The following ZNF710 variants were observed in gnomAD, a reference collection of about 807,000 sequenced individuals.
ZNF710 encodes zinc finger protein 710.
ZNF710 carries 13 observed loss-of-function variants against 50.6 expected under a neutral mutation model. The observed-to-expected ratio is 0.26, with a 90% CI of 0.17 to 0.41. ZNF710 has a LOEUF of 0.41. ZNF710 is among the 10% of genes least tolerant of loss of function. ZNF710 has a pLI of 1.00. For missense variants in ZNF710, 721 were observed against 936.6 expected (o/e 0.77, Z 3.01); for synonymous variants, 383 against 397.0 (o/e 0.96, Z 0.42).
At chr15:90,017,149 T>C (rs1385913430) in intron 1 of ZNF710, among the ~76,000 whole-genome samples, 4 of 152,206 alleles carry the variant, frequency 2.6e-5, no homozygotes, top group Non-Finnish European at 5.9e-5. Context: ...AGGCACTTGG[T>C]ACTTGGAAGA....
intron 1 of ZNF710, among the ~76,000 whole-genome samples, chr15:90,038,462 C>CGTTAA (rs1899196855): frequency 6.6e-6 from 1 of 152,176 alleles, no homozygotes; most frequent in Non-Finnish European, 1.5e-5. Flanking sequence ...GACAGCCCAC[C>CGTTAA]GTTAAGTACG....
At chr15:90,000,504 G>A (rs1005487884), upstream of ZNF710, among the ~76,000 whole-genome samples, 1 of 151,978 alleles carries the variant, frequency 6.6e-6, no homozygotes, top group Non-Finnish European at 1.5e-5. Context: ...CCCTGGGCTC[G>A]GGGACCCCGC....
intron 4 of ZNF710, 28 bp downstream of exon 4, chr15:90,074,318 G>A (rs370636787): frequency 1.2e-6 from 2 of 1,609,126 alleles, no homozygotes; most frequent in African/African-American, 2.7e-5. Flanking sequence ...AATGGACAGA[G>A]CAGGAATGAT....
chr15:90,019,692 C>A (rs1028979327), intron 1 of ZNF710, among the ~76,000 whole-genome samples: 2 of 152,220 alleles, frequency 1.3e-5, no homozygotes, highest in South Asian at 2.1e-4. Flanking sequence ...GGGAGTCTGT[C>A]ATCCTGGCCC....
At chr15:90,053,788 GC>G (rs1185003096) in intron 1 of ZNF710, among the ~76,000 whole-genome samples, 2 of 152,110 alleles carry the variant, frequency 1.3e-5, no homozygotes, top group Non-Finnish European at 2.9e-5. Context: ...TCTCTGGGAT[GC>G]CTCCTCCCAG....
At chr15:90,005,858 T>C (rs1898128395) in intron 1 of ZNF710, among the ~76,000 whole-genome samples, 1 of 152,214 alleles carries the variant, frequency 6.6e-6, no homozygotes, top group African/African-American at 2.4e-5. Flanking sequence ...TCTTAGTTCT[T>C]GCAGGTGCTG....
intron 1 of ZNF710, among the ~76,000 whole-genome samples, chr15:90,005,847 C>G (rs1016738140): frequency 1.3e-5 from 2 of 152,178 alleles, no homozygotes; most frequent in Non-Finnish European, 2.9e-5. Context: ...GTATTTGTCT[C>G]TCTTAGTTCT....
intron 1 of ZNF710, among the ~76,000 whole-genome samples, chr15:90,046,081 G>C (rs916245188): frequency 6.6e-6 from 1 of 152,114 alleles, no homozygotes; most frequent in Admixed American, 6.5e-5. Flanking sequence ...CATGGTCTCT[G>C]GGGGGACACA....
At chr15:90,000,151 A>G (rs1231608145), upstream of ZNF710, among the ~76,000 whole-genome samples, 1 of 152,018 alleles carries the variant, frequency 6.6e-6, no homozygotes, top group Non-Finnish European at 1.5e-5. Flanking sequence ...TGCTTTGGGA[A>G]CTTTCCCCCG....
chr15:90,068,030 G>T lies in ZNF710; in HGVS notation c.893G>T (p.Arg298Leu), dbSNP rs753524913. The T allele has an allele frequency of 6.2e-7, 1 of 1,614,212 alleles. No individual in the cohort carries two copies. The highest frequency in any genetic ancestry group is 8.5e-7 in the Non-Finnish European group (1 of 1,180,032). ...GACCGCCAGAAGCGCTGGCAGTGCC[G>T]CATGTGCGAGAAGTCCTACACGTCC... ...AGDRQKRWQC[R>L]MCEKSYTSKY... Residue 298 changes from arginine (R) to leucine (L), a missense_variant, in exon 2 of 5, where the codon CGC becomes CTC. Coordinates refer to ENST00000268154, the MANE Select transcript of ZNF710 (RefSeq NM_198526.4). The surrounding 1 kb of genome is among the most constrained non-coding windows in gnomAD (Gnocchi z 5.0).
At chr15:90,020,021 C>G (rs1156476973) in intron 1 of ZNF710, among the ~76,000 whole-genome samples, 1 of 152,144 alleles carries the variant, frequency 6.6e-6, no homozygotes, top group African/African-American at 2.4e-5. Context: ...GAGTCCAGGC[C>G]AAGGAAGTGC....
chr15:90,006,559 A>G (rs1055790370), intron 1 of ZNF710, among the ~76,000 whole-genome samples: 1 of 152,222 alleles, frequency 6.6e-6, no homozygotes, highest in Non-Finnish European at 1.5e-5. Flanking sequence ...CAGTGGTTAT[A>G]AATGCTTCAA....
rs147882242 is a variant in ZNF710, at chr15:90,054,597, C to T, written c.-28-12513C>T. On this transcript the variant is annotated intron_variant, in intron 1 of 4. Transcript: ENST00000268154. ...TACCCCCCATCCCAGAGGACTGCCC[C>T]GATGGCTAGAAATGGTGTGCTTTCA... Among the ~76,000 whole-genome samples the T allele has an allele frequency of 2.3e-3, 343 of 152,322 alleles. 4 individuals are homozygous for T. Among genetic ancestry groups the T allele is most frequent in the African/African-American group, 6.9e-3 (286 of 41,572 alleles).
intron 1 of ZNF710, among the ~76,000 whole-genome samples, chr15:90,050,998 G>A (rs1899624959): frequency 6.6e-6 from 1 of 152,146 alleles, no homozygotes; most frequent in Non-Finnish European, 1.5e-5. Context: ...CAGCACTTTG[G>A]GAGGCCGAGG....
At chr15:89,999,758 C>T (rs529599094), upstream of ZNF710, among the ~76,000 whole-genome samples, 55 of 151,986 alleles carry the variant, frequency 3.6e-4, no homozygotes, top group South Asian at 0.011. Flanking sequence ...GTCGTGTCCC[C>T]GGGAGGCTGC....
intron 4 of ZNF710, chr15:90,074,593 T>G: frequency 8.4e-7 from 1 of 1,194,980 alleles, no homozygotes; most frequent in Non-Finnish European, 1.1e-6. Context: ...CAAAGCGAGG[T>G]TGGCTCTGTC....
intron 1 of ZNF710, among the ~76,000 whole-genome samples, chr15:90,039,987 C>T (rs1179314829): frequency 6.6e-6 from 1 of 152,172 alleles, no homozygotes; most frequent in East Asian, 1.9e-4. Flanking sequence ...TTTGAGGTGG[C>T]CAGAGAAGAG....
chr15:90,049,139 A>G (rs936642075), intron 1 of ZNF710, among the ~76,000 whole-genome samples: 2 of 152,242 alleles, frequency 1.3e-5, no homozygotes, highest in East Asian at 3.8e-4. Flanking sequence ...CTGACCATTT[A>G]TCAGAAGCCA....
rs1900697574 is a variant in ZNF710 at position 90,080,552 on chromosome 15, G to T, written c.*723G>T. ...CCCTAGCTGGAGTGCCTCACCAGGG[G>T]GCCCCACTAGGAACAAAGCCAGGAC... On this transcript the variant is annotated 3_prime_UTR_variant, in exon 5 of 5. Transcript: ENST00000268154. 6.6e-6 allele frequency: 1 copy of T among 152,582 alleles called. No homozygotes were observed. Among genetic ancestry groups the T allele is most frequent in the Non-Finnish European group, 1.5e-5 (1 of 68,170 alleles). The allele number at this position is 152,582 out of a possible 1,614,324, so 9.5% of individuals were successfully genotyped here.
Sources: allele counts gnomAD v4.1 joint callset (sites outside exome capture counted in the v4.1 genomes callset), GRCh38; gene constraint gnomAD v4.1.1; non-coding constraint Gnocchi (gnomAD v3.1); transcripts MANE v1.5; gene names NCBI Gene and HGNC (gene_info 2026-07-23, HGNC 2026-07-21).